The following MCM8 variants were observed in gnomAD, a reference collection of about 807,000 sequenced individuals.
The protein encoded by MCM8 is minichromosome maintenance 8 homologous recombination repair factor.
MCM8 carries 85 observed loss-of-function variants against 98.9 expected under a neutral mutation model. The ratio of observed to expected loss-of-function variants is 0.86; its 90% CI spans 0.72 to 1.03. MCM8 has a LOEUF of 1.03. MCM8 is among the 50% of genes least tolerant of loss of function. MCM8 has a pLI of 0.00. For synonymous variants in MCM8, 352 were observed against 338.6 expected (o/e 1.04, Z -0.44); for missense variants, 951 against 997.8 (o/e 0.95, Z 0.63).
At position 5,954,726 on chromosome 20, in the gene MCM8, G is replaced by A. The variant is rs376558396; in HGVS notation, c.336+36G>A. ...TCTACAGCAAAGCTACCAGTCATGTGCCATCTTACCAATGTATTCGAGGTA... is the reference window on the plus strand; with the variant it reads ...TCTACAGCAAAGCTACCAGTCATGTACCATCTTACCAATGTATTCGAGGTA... On this transcript the variant is annotated intron_variant, in intron 4 of 18. Coordinates refer to ENST00000610722, the MANE Select transcript of MCM8 (RefSeq NM_032485.6). 1.4e-5 allele frequency: 17 copies of A among 1,246,716 alleles called. No homozygotes were observed. In the African/African-American group the frequency reaches 2.1e-4, roughly 15 times the overall value. 77.2% of individuals were successfully genotyped at this position (1,246,716 alleles called of 1,614,324 possible).
chr20:5,983,094 T>G lies in MCM8; in HGVS notation c.1662T>G (p.Thr554=), dbSNP rs1193442780. The change falls in exon 14 of 19, where the codon ACT becomes ACG. Residue 554 remains threonine, a synonymous_variant. Coordinates refer to ENST00000610722, the MANE Select transcript of MCM8 (RefSeq NM_032485.6). ...TGGTTTGTAGCCTTCCTGCAAGAAC[T>G]TCCATTATTGCTGCTGCAAATCCAG... The part of the protein sequence containing the change: ...AGVVCSLPAR[T]SIIAAANPVG... 1 of 1,614,156 alleles carries G rather than the reference T, an allele frequency of 6.2e-7. No homozygotes were observed. The highest frequency in any genetic ancestry group is 2.2e-5 in the East Asian group (1 of 44,878).
chr20:5,974,969 G>A (rs2122756568), intron 12 of MCM8, among the ~76,000 whole-genome samples: 1 of 152,286 alleles, frequency 6.6e-6, no homozygotes, highest in South Asian at 2.1e-4. Flanking sequence ...AGCTCATCAT[G>A]AACAGGAATC....
rs1469196609 is a variant in MCM8 at position 5,998,003 on chromosome 20, C to G, written c.*3612C>G. On this transcript the variant is annotated 3_prime_UTR_variant, in exon 19 of 19. Transcript: ENST00000610722. ...GAACGAGAAGAGGAATAAACACCACCCTGTGATTGATGGATCTTTATAGCT... is the reference window on the plus strand; with the variant it reads ...GAACGAGAAGAGGAATAAACACCACGCTGTGATTGATGGATCTTTATAGCT... The G allele has an allele frequency of 6.6e-6, 1 of 152,084 alleles. No homozygotes were observed. The highest frequency in any genetic ancestry group is 2.4e-5 in the African/African-American group (1 of 41,410). The allele number at this position is 152,084 out of a possible 1,614,324, so 9.4% of individuals were successfully genotyped here.
chr20:5,952,331 A>G (rs2088853041), intron 2 of MCM8, 93 bp from the exon 3 acceptor site: 4 of 1,555,544 alleles, frequency 2.6e-6, no homozygotes, highest in Non-Finnish European at 1.8e-6. Context: ...CCTAATTTGG[A>G]TACTCTATTA....
At chr20:5,963,175 T>C in intron 7 of MCM8, 99 bp from the exon 8 acceptor site, 1 of 929,252 alleles carries the variant, frequency 1.1e-6, no homozygotes, top group Non-Finnish European at 1.7e-6. Flanking sequence ...TGAGACCAAC[T>C]TTTAAAACAA....
At chr20:5,973,011 T>C (rs1164401576) in intron 11 of MCM8, 45 bp from the exon 12 acceptor site, 9 of 1,606,266 alleles carry the variant, frequency 5.6e-6, no homozygotes, top group Non-Finnish European at 6.8e-6. Flanking sequence ...TAGTCACCTT[T>C]ATGTTTTCCT....
rs1023038806 is a variant in MCM8, at chr20:5,998,574, T to C, written c.*4183T>C. ...CAAGCCAGACAGACCTGCAGTGTTT[T>C]TCTGGGAGTTAATTCTGGAGACCCA... On this transcript the variant is annotated 3_prime_UTR_variant, in exon 19 of 19. Transcript: ENST00000610722. 3 of 152,256 alleles carry C rather than the reference T, an allele frequency of 2.0e-5. No individual in the cohort carries two copies. Among genetic ancestry groups the C allele is most frequent in the Admixed American group, 2.0e-4 (3 of 15,284 alleles). The allele number at this position is 152,256 out of a possible 1,614,324, so 9.4% of individuals were successfully genotyped here. A position where few individuals can be genotyped will look rare whatever the true frequency, so the allele number is the denominator to read the frequency against.
chr20:5,960,581 T>A (rs563119855), intron 7 of MCM8, among the ~76,000 whole-genome samples: 16 of 152,358 alleles, frequency 1.1e-4, no homozygotes, highest in Admixed American at 9.2e-4. Context: ...GTTTTACATT[T>A]TGACATGATC....
At chr20:5,982,573 T>C (rs951170442) in intron 13 of MCM8, among the ~76,000 whole-genome samples, 6 of 152,216 alleles carry the variant, frequency 3.9e-5, no homozygotes, top group African/African-American at 7.2e-5. Flanking sequence ...AATATACTTA[T>C]TAAACATAAT....
chr20:5,983,812 T>C (rs1875104434), intron 14 of MCM8, among the ~76,000 whole-genome samples: 1 of 152,248 alleles, frequency 6.6e-6, no homozygotes, highest in African/African-American at 2.4e-5. Flanking sequence ...ATAGCCACTC[T>C]ACTTTTAGGA....
intron 8 of MCM8, among the ~76,000 whole-genome samples, chr20:5,964,204 G>A (rs1053070806): frequency 3.4e-5 from 5 of 148,742 alleles, no homozygotes; most frequent in Non-Finnish European, 7.4e-5. Flanking sequence ...TCTAGCTGTA[G>A]ATCTATAGCT....
chr20:5,971,061 A>C (rs2089391664), intron 10 of MCM8, among the ~76,000 whole-genome samples: 1 of 151,954 alleles, frequency 6.6e-6, no homozygotes, highest in Admixed American at 6.6e-5. Context: ...CAGTTCTTCC[A>C]CCTTGGCCTC....
At chr20:5,978,805 AC>A (rs956827095) in intron 13 of MCM8, among the ~76,000 whole-genome samples, 1 of 152,162 alleles carries the variant, frequency 6.6e-6, no homozygotes, top group African/African-American at 2.4e-5. Flanking sequence ...TGATCCACCC[AC>A]CACACCTCCC....
At chr20:5,974,904 C>T (rs1031561611) in intron 12 of MCM8, among the ~76,000 whole-genome samples, 3 of 152,186 alleles carry the variant, frequency 2.0e-5, no homozygotes, top group Admixed American at 6.5e-5. Context: ...TCTGAGACCT[C>T]GCTACAATGT....
At chr20:5,968,088 A>G (rs2089317776) in intron 10 of MCM8, 63 bp downstream of exon 10, 1 of 1,451,376 alleles carries the variant, frequency 6.9e-7, no homozygotes, top group Non-Finnish European at 9.4e-7. Flanking sequence ...TCTTGGCTAC[A>G]GGTAACAAAA....
intron 8 of MCM8, 104 bp downstream of exon 8, chr20:5,963,463 A>C: frequency 1.2e-6 from 1 of 802,734 alleles, no homozygotes; most frequent in Non-Finnish European, 2.1e-6. Flanking sequence ...CTAAATGACA[A>C]AGTGTATAAT....
chr20:5,993,416 C>G, intron 17 of MCM8, 90 bp from the exon 18 acceptor site: 1 of 1,073,534 alleles, frequency 9.3e-7, no homozygotes, highest in East Asian at 2.5e-5. Context: ...GTGGCTACTT[C>G]CAAATTTTTC....
At chr20:5,963,737 C>T (rs956740357) in intron 8 of MCM8, among the ~76,000 whole-genome samples, 4 of 151,866 alleles carry the variant, frequency 2.6e-5, no homozygotes, top group Admixed American at 6.6e-5. Flanking sequence ...GAGGTTTCAC[C>T]GTGTTAGCCA....
chr20:5,985,089 AC>A, intron 15 of MCM8, 89 bp downstream of exon 15: 1 of 1,027,406 alleles, frequency 9.7e-7, no homozygotes, highest in South Asian at 1.6e-5. Context: ...TAGGATACAA[AC>A]TTTTTTTTTA....
Sources: gnomAD v4.1 joint callset for allele counts (sites outside exome capture counted in the v4.1 genomes callset) on GRCh38, gnomAD v4.1.1 for gene constraint, MANE v1.5 for transcripts, NCBI Gene and HGNC (gene_info 2026-07-23, HGNC 2026-07-21) for gene names.